PTPN2: variants seen among roughly 807,000 people sequenced by gnomAD.
PTPN2 encodes the protein tyrosine-protein phosphatase non-receptor type 2.
A neutral mutation model predicts 57.3 loss-of-function variants in PTPN2; 19 were observed. That is an observed-to-expected ratio of 0.33 (90% CI 0.23 to 0.49). The LOEUF is 0.49. PTPN2 is among the 20% of genes least tolerant of loss of function. The probability of loss-of-function intolerance (pLI) is 0.99; values close to 1 mark genes in which losing one functional copy is unlikely to be tolerated. For synonymous variants in PTPN2, 153 were observed against 164.9 expected, an observed-to-expected ratio of 0.93 and a Z score of 0.55; for missense variants, 358 against 501.1, an observed-to-expected ratio of 0.71 and a Z score of 2.73.
intron 1 of PTPN2, chr18:12,861,976 T>G (rs919496461): frequency 6.6e-6 from 1 of 152,162 alleles, no homozygotes; most frequent in African/African-American, 2.4e-5. Flanking sequence ...AGAAATACAT[T>G]CATAACATAA....
chr18:12,814,834 T>C (rs2145306231), intron 6 of PTPN2, among the ~76,000 whole-genome samples: 2 of 152,160 alleles, frequency 1.3e-5, no homozygotes, highest in African/African-American at 4.8e-5. Flanking sequence ...GGCTCATGCC[T>C]GTAATCCCAA....
intron 5 of PTPN2, among the ~76,000 whole-genome samples, chr18:12,820,041 C>T (rs2042219296): frequency 6.6e-6 from 1 of 152,208 alleles, no homozygotes. Context: ...ATTACTTCAT[C>T]AAGTCCTGGC....
intron 7 of PTPN2, among the ~76,000 whole-genome samples, chr18:12,811,529 A>G (rs1342006172): frequency 6.6e-6 from 1 of 152,026 alleles, no homozygotes; most frequent in African/African-American, 2.4e-5. Flanking sequence ...AAAAAACCCC[A>G]CAAACCCAAC....
intron 7 of PTPN2, among the ~76,000 whole-genome samples, chr18:12,808,131 G>A (rs1031152485): frequency 1.3e-5 from 2 of 151,600 alleles, no homozygotes; most frequent in Non-Finnish European, 2.9e-5. Flanking sequence ...TACAGTGAGC[G>A]AGCCATGATC....
At chr18:12,815,496 T>C (rs2042045273) in intron 6 of PTPN2, among the ~76,000 whole-genome samples, 1 of 152,112 alleles carries the variant, frequency 6.6e-6, no homozygotes, top group Non-Finnish European at 1.5e-5. Flanking sequence ...AGATCCACGA[T>C]AACACTGCTG....
chr18:12,808,142 G>A (rs952589787), intron 7 of PTPN2, among the ~76,000 whole-genome samples: 3 of 151,748 alleles, frequency 2.0e-5, no homozygotes, highest in Admixed American at 6.6e-5. Context: ...AGCCATGATC[G>A]TGCCACTGTA....
At chr18:12,790,950 CCTCACAAATGTATAAAGT>C (rs2040968804), downstream of PTPN2, among the ~76,000 whole-genome samples, 1 of 151,906 alleles carries the variant, frequency 6.6e-6, no homozygotes. Context: ...AGACAGAAAA[CCTCACAAATGTATAAAGT>C]CTCCTCTAAC....
chr18:12,874,177 C>A (rs549573436), intron 1 of PTPN2, among the ~76,000 whole-genome samples: 6 of 151,670 alleles, frequency 4.0e-5, no homozygotes, highest in Non-Finnish European at 8.8e-5. Flanking sequence ...CCCCGCCAGG[C>A]GAGCCGCCCC....
chr18:12,808,204 A>G (rs1402829503), intron 7 of PTPN2, among the ~76,000 whole-genome samples: 1 of 152,100 alleles, frequency 6.6e-6, no homozygotes, highest in East Asian at 1.9e-4. Context: ...ATTTATATAC[A>G]TACACATTTT....
chr18:12,801,982 T>A lies in PTPN2; in HGVS notation c.1028A>T (p.Glu343Val). ...LSSKMQDTME[E>V]NSESALRKRI... is the part of the protein sequence containing the mutation. ...ATAGAAAGCTTACCTCTCACTGTTC[T>A]CCTCCATTGTATCTTGCATTTTAGA... The change falls in exon 8 of 9, where the codon GAG (glutamate) becomes GTG (valine). Residue 343 changes from glutamate (E) to valine (V), a missense_variant. Around this residue, in one of 4 missense-constraint regions of PTPN2, gnomAD observed 96 missense variants for 110.8 expected, o/e 0.87. Coordinates refer to ENST00000309660, the MANE Select transcript of PTPN2 (RefSeq NM_002828.4). The A allele has an allele frequency of 6.2e-7, 1 of 1,602,132 alleles. No homozygotes were observed. The highest frequency in any genetic ancestry group is 8.5e-7 in the Non-Finnish European group (1 of 1,176,164).
At chr18:12,807,586 A>AAAAAAAAAAAAAAAAATATAT in intron 7 of PTPN2, among the ~76,000 whole-genome samples, 3 of 35,184 alleles carry the variant, frequency 8.5e-5, no homozygotes, top group Non-Finnish European at 1.8e-4. Flanking sequence ...AAAAAAAAAA[A>AAAAAAAAAAAAAAAAATATAT]ATATATATAT....
chr18:12,883,866 T>G, intron 1 of PTPN2: 1 of 500,506 alleles, frequency 2.0e-6, no homozygotes, highest in Non-Finnish European at 3.4e-6. Flanking sequence ...TCAGCTCAAG[T>G]ATGCTTTTTT....
chr18:12,837,309 C>G (rs1568131309), intron 2 of PTPN2, among the ~76,000 whole-genome samples: 1 of 152,116 alleles, frequency 6.6e-6, no homozygotes, highest in Non-Finnish European at 1.5e-5. Context: ...ATATTTCAAC[C>G]TCTTCATTTC....
At chr18:12,848,329 G>C (rs1033663643) in intron 2 of PTPN2, among the ~76,000 whole-genome samples, 1 of 152,156 alleles carries the variant, frequency 6.6e-6, no homozygotes, top group African/African-American at 2.4e-5. Context: ...GAAGCAATTC[G>C]TATCATCTAT....
At chr18:12,883,882 T>TTC in intron 1 of PTPN2, 191 bp downstream of exon 1, 1 of 507,128 alleles carries the variant, frequency 2.0e-6, no homozygotes, top group Non-Finnish European at 3.4e-6. Context: ...TTTTTTTTTT[T>TTC]TTTTTTTAAA....
At chr18:12,786,797 T>C (rs967510131) in intron 9 of PTPN2, 1 of 152,234 alleles carries the variant, frequency 6.6e-6, no homozygotes, top group African/African-American at 2.4e-5. Flanking sequence ...CTTGGCATAA[T>C]TGTACCAAGC....
At position 12,802,036 on chromosome 18, in the gene PTPN2, A is replaced by G; in HGVS notation, c.974T>C (p.Leu325Pro). The G allele has an allele frequency of 1.2e-6, 2 of 1,612,680 alleles. No individual in the cohort carries two copies. The highest frequency in any genetic ancestry group is 1.7e-6 in the Non-Finnish European group (2 of 1,179,614). ...AAGTCCTGTACATCGGTCACCTGTC[A>G]GTTTTTCTTCTTCTAGACCTATTCT... The part of the protein sequence containing the change: ...GNRIGLEEEK[L>P]TGDRCTGLSS... The change falls in exon 8 of 9, where the codon CTG (leucine) becomes CCG (proline). Residue 325 changes from leucine (L) to proline (P), a missense_variant. By Grantham distance (98) the Leu-to-Pro change is moderately conservative. Coordinates refer to ENST00000309660, the MANE Select transcript of PTPN2 (RefSeq NM_002828.4).
In PTPN2 at chr18:12,884,227, G is replaced by A. The variant is rs2145561293; in HGVS notation, c.-86C>T. 9.8e-7 allele frequency: 1 copy of A among 1,016,192 alleles called. No individual in the cohort carries two copies. The highest frequency in any genetic ancestry group is 3.2e-5 in the East Asian group (1 of 30,844). The allele number at this position is 1,016,192 out of a possible 1,614,324, so 62.9% of individuals were successfully genotyped here. ...ACGATCCGGGGAGAGCGCTGGCGCT[G>A]CGGCGCATGCGCGCTGCGCGCCGCG... On this transcript the variant is annotated 5_prime_UTR_variant, in exon 1 of 9. Coordinates refer to ENST00000309660, the MANE Select transcript of PTPN2 (RefSeq NM_002828.4).
intron 1 of PTPN2, among the ~76,000 whole-genome samples, chr18:12,870,133 T>C (rs921263762): frequency 6.6e-6 from 1 of 150,504 alleles, no homozygotes; most frequent in African/African-American, 2.5e-5. Flanking sequence ...GTGTCAGGCA[T>C]GTGCTATGTG....
Sources: allele counts gnomAD v4.1 joint callset (sites outside exome capture counted in the v4.1 genomes callset), GRCh38; gene constraint gnomAD v4.1.1; regional missense constraint gnomAD v4.1.1; transcripts MANE v1.5; gene names NCBI Gene and HGNC (gene_info 2026-07-23, HGNC 2026-07-21).